The following MPG variants were observed in gnomAD, a reference collection of about 807,000 sequenced individuals.
The protein encoded by MPG is N-methylpurine DNA glycosylase.
In MPG, 33 loss-of-function variants were observed where a neutral mutation model predicts 31.7. The observed-to-expected ratio is 1.04, with a 90% CI of 0.79 to 1.39. The LOEUF is 1.39. Ranked by LOEUF, MPG falls within the 40% of genes most tolerant of loss-of-function variation. The pLI, the probability that MPG is intolerant of heterozygous loss-of-function variation, is 0.00. For missense variants in MPG, 455 were observed against 415.5 expected (o/e 1.10, Z -0.83); for synonymous variants, 202 against 169.2 (o/e 1.19, Z -1.51).
chr16:79,484 C>T lies in MPG; in HGVS notation c.84C>T (p.Ser28=). Residue 28 remains serine, a synonymous_variant, in exon 2 of 4, where the codon AGC becomes AGT. Coordinates refer to ENST00000356432, the MANE Select transcript of MPG (RefSeq NM_001015052.3). ...CAGCTAGAGCAGGGCAGCCACACAG[C>T]TCGTCCGACGCAGCCCAGGCACCTG... ...QRPARAGQPH[S]SSDAAQAPAE... The T allele has an allele frequency of 6.2e-7, 1 of 1,612,812 alleles. No homozygotes were observed. Among genetic ancestry groups the T allele is most frequent in the Non-Finnish European group, 8.5e-7 (1 of 1,179,810 alleles).
chr16:77,610 G>C (rs1898122228), upstream of MPG, among the ~76,000 whole-genome samples: 2 of 152,356 alleles, frequency 1.3e-5, no homozygotes, highest in Middle Eastern at 3.4e-3. Flanking sequence ...TGGGCGGAAA[G>C]AGGGATGGGG....
intron 1 of MPG, chr16:79,095 A>G: frequency 6.9e-7 from 1 of 1,452,292 alleles, no homozygotes; most frequent in Non-Finnish European, 9.0e-7. Flanking sequence ...ATCGGAGGGC[A>G]CCAGCCCTGC....
At chr16:84,287 T>C (rs2141889140) in intron 3 of MPG, 1 of 152,288 alleles carries the variant, frequency 6.6e-6, no homozygotes. Flanking sequence ...TGGCCTGGAT[T>C]TTATCTTGAA....
chr16:83,531 A>G (rs148225987), intron 3 of MPG: 1 of 378,260 alleles, frequency 2.6e-6, no homozygotes, highest in Admixed American at 4.3e-5. Context: ...ACCTGAGGTC[A>G]GGAGTTCGAC....
chr16:79,104 G>GCTGT (rs1455267607), intron 1 of MPG: 1 of 1,460,456 alleles, frequency 6.8e-7, no homozygotes, highest in Non-Finnish European at 9.0e-7. Context: ...CACCAGCCCT[G>GCTGT]CTGTCCCAGG....
Position 85,572 on chromosome 16 carries a change from T to G in MPG, c.677T>G (p.Phe226Cys). 6.2e-7 allele frequency: 1 copy of G among 1,613,316 alleles called. No homozygotes were observed. Among genetic ancestry groups the G allele is most frequent in the Non-Finnish European group, 8.5e-7 (1 of 1,179,884 alleles). The change falls in exon 4 of 4, where the codon TTT becomes TGT. Residue 226 changes from phenylalanine (F) to cysteine (C), a missense_variant. By Grantham distance (205) the Phe-to-Cys change is radical. Transcript: ENST00000356432. The part of the protein sequence containing the change: ...LCQALAINKS[F>C]DQRDLAQDEA... ...CAGGCCCTGGCCATCAACAAGAGCT[T>G]TGACCAGAGGGACCTGGCACAGGAT...
At chr16:83,007 GA>G (rs1898293171) in intron 2 of MPG, 44 bp from the exon 3 acceptor site, 2 of 1,504,874 alleles carry the variant, frequency 1.3e-6, no homozygotes, top group African/African-American at 1.4e-5. Context: ...AGGGTGAGTG[GA>G]CCCCCATCCC....
Position 85,473 on chromosome 16 carries a change from G to A in MPG, c.578G>A (p.Ser193Asn). 1 of 1,613,104 alleles carries A rather than the reference G, an allele frequency of 6.2e-7. No homozygotes were observed. The highest frequency in any genetic ancestry group is 8.5e-7 in the Non-Finnish European group (1 of 1,180,024). ...CTGGAGACCATGCGTCAGCTTCGCA[G>A]CACCCTCCGGAAAGGCACCGCCAGC... is the stretch of plus-strand genomic sequence containing the variant. ...EGLETMRQLR[S>N]TLRKGTASRV... The change falls in exon 4 of 4, where the codon AGC (serine) becomes AAC (asparagine). Residue 193 changes from serine (S) to asparagine (N), a missense_variant. Transcript: ENST00000356432.
At chr16:78,858 G>T (rs919381954) in intron 1 of MPG, among the ~76,000 whole-genome samples, 24 of 152,208 alleles carry the variant, frequency 1.6e-4, no homozygotes, top group African/African-American at 5.8e-4. Flanking sequence ...TCCCTCAGGA[G>T]ACCTTGCCTT....
chr16:79,017 T>A, intron 1 of MPG: 1 of 1,410,558 alleles, frequency 7.1e-7, no homozygotes, highest in Non-Finnish European at 9.2e-7. Flanking sequence ...CTGGCAAGGG[T>A]TGGATGAAAG....
chr16:78,205 C>A, upstream of MPG: 1 of 1,094,074 alleles, frequency 9.1e-7, no homozygotes, highest in South Asian at 2.3e-5. Flanking sequence ...TCCCCTTCTG[C>A]GCAGGCGCCG....
intron 3 of MPG, chr16:84,618 G>C (rs943543391): frequency 2.0e-5 from 3 of 152,432 alleles, no homozygotes; most frequent in African/African-American, 4.8e-5. Context: ...GGGAATTCGG[G>C]TATCTGTGCT....
At chr16:79,156 C>T in intron 1 of MPG, 1 of 1,520,674 alleles carries the variant, frequency 6.6e-7, no homozygotes. Context: ...AGCCTGGGCC[C>T]CCATGCCGTG....
Position 79,629 on chromosome 16 carries a change from CACCTT to C in MPG, c.233_237del (p.Leu78ProfsTer29). The stretch of plus-strand genomic sequence containing the variant: ...CATCTATTTCTCAAGCCCAAAGGGC[CACCTT>C]ACCCGACTGGGGTTGGAGTTCTTCG... On this transcript the variant is annotated frameshift_variant, in exon 2 of 4. Coordinates refer to ENST00000356432, the MANE Select transcript of MPG (RefSeq NM_001015052.3). LOFTEE classifies it high-confidence loss of function. The C allele has an allele frequency of 1.9e-6, 3 of 1,587,822 alleles. No homozygotes were observed. Among genetic ancestry groups the C allele is most frequent in the Non-Finnish European group, 2.6e-6 (3 of 1,166,288 alleles).
rs773244697 is a variant in MPG at position 85,594 on chromosome 16, G to C, written c.699G>C (p.Gln233His). The C allele has an allele frequency of 6.2e-7, 1 of 1,612,190 alleles. No homozygotes were observed. The highest frequency in any genetic ancestry group is 1.1e-5 in the South Asian group (1 of 91,030). Residue 233 changes from glutamine (Q) to histidine (H), a missense_variant, in exon 4 of 4, where the codon CAG becomes CAC. Transcript: ENST00000356432. ...GCTTTGACCAGAGGGACCTGGCACA[G>C]GATGAAGCTGTATGGCTGGAGCGTG... ...NKSFDQRDLA[Q>H]DEAVWLERGP... is the part of the protein sequence containing the mutation.
At chr16:78,972 G>T (rs1482147470) in intron 1 of MPG, among the ~76,000 whole-genome samples, 1 of 149,958 alleles carries the variant, frequency 6.7e-6, no homozygotes, top group Non-Finnish European at 1.5e-5. Context: ...CTGTGTGTCC[G>T]ACCTTGGCCC....
At chr16:78,900 A>G (rs770504050) in intron 1 of MPG, among the ~76,000 whole-genome samples, 1 of 152,142 alleles carries the variant, frequency 6.6e-6, no homozygotes, top group Non-Finnish European at 1.5e-5. Flanking sequence ...AGCCTGGGCC[A>G]TGAAGCAGAG....
chr16:85,352 G>A (rs1335797545), intron 3 of MPG, 49 bp from the exon 4 acceptor site: 3 of 1,538,496 alleles, frequency 1.9e-6, no homozygotes, highest in Admixed American at 1.9e-5. Context: ...CTAGGGCAGA[G>A]AGGACAGGAG....
chr16:79,761 A>G, intron 2 of MPG, 61 bp downstream of exon 2: 1 of 1,500,026 alleles, frequency 6.7e-7, no homozygotes, highest in South Asian at 1.3e-5. Flanking sequence ...TTGTCCCTGA[A>G]CCCCTGTCCG....
Sources: allele counts gnomAD v4.1 joint callset (sites outside exome capture counted in the v4.1 genomes callset), GRCh38; gene constraint gnomAD v4.1.1; transcripts MANE v1.5; gene names NCBI Gene and HGNC (gene_info 2026-07-23, HGNC 2026-07-21).